Variants in TGFB2 observed in about 807,000 individuals in gnomAD.
The protein encoded by TGFB2 is transforming growth factor beta-2 proprotein.
A neutral mutation model predicts 42.7 loss-of-function variants in TGFB2; 13 were observed. The ratio of observed to expected loss-of-function variants is 0.30; its 90% CI spans 0.20 to 0.48. TGFB2 has a LOEUF of 0.48. Among genes scored for constraint, TGFB2 ranks in the 20% least tolerant of loss-of-function variants. TGFB2 has a pLI of 0.99. For missense variants in TGFB2, 390 were observed against 517.5 expected, an observed-to-expected ratio of 0.75 and a Z score of 2.39; for synonymous variants, 193 against 193.6, an observed-to-expected ratio of 1.00 and a Z score of 0.03.
rs560523958 is a variant in TGFB2, at chr1:218,440,504, T to G, written c.1087-700T>G. Among the ~76,000 whole-genome samples the G allele has an allele frequency of 4.6e-5, 7 of 152,324 alleles. No individual in the cohort carries two copies. The East Asian group carries it at 1.3e-3, about 29-fold the overall frequency. Reference sequence around the variant, plus strand: ...GTCCTGAACTCCTACACTCAAGTGATCCTTCAAAGTGTTGGGATTACAGGC... The same window carrying G: ...GTCCTGAACTCCTACACTCAAGTGAGCCTTCAAAGTGTTGGGATTACAGGC... On this transcript the variant is annotated intron_variant, in intron 6 of 6. Transcript: ENST00000366930.
At chr1:218,423,837 G>A (rs927335181) in intron 2 of TGFB2, among the ~76,000 whole-genome samples, 9 of 152,162 alleles carry the variant, frequency 5.9e-5, no homozygotes, top group Non-Finnish European at 7.3e-5. Flanking sequence ...TCCCTACTCC[G>A]TGACACTTAA....
chr1:218,364,877 C>CGTTTT (rs1359569967), intron 1 of TGFB2, among the ~76,000 whole-genome samples: 1 of 152,098 alleles, frequency 6.6e-6, no homozygotes, highest in Non-Finnish European at 1.5e-5. Context: ...TGAGTCATTA[C>CGTTTT]GTTTTGTTTT....
chr1:218,415,982 G>A (rs1268989879), intron 2 of TGFB2, among the ~76,000 whole-genome samples: 1 of 152,106 alleles, frequency 6.6e-6, no homozygotes, highest in Non-Finnish European at 1.5e-5. Context: ...CCACTCAACA[G>A]TGGTGTCAGT....
chr1:218,434,061 C>T (rs1571901006), intron 2 of TGFB2, 21 bp from the exon 3 acceptor site: 2 of 1,612,226 alleles, frequency 1.2e-6, no homozygotes, highest in East Asian at 4.5e-5. Context: ...AGCCTTTTCT[C>T]TTGCTCTTTT....
At chr1:218,422,979 A>G (rs965848939) in intron 2 of TGFB2, among the ~76,000 whole-genome samples, 2 of 152,204 alleles carry the variant, frequency 1.3e-5, no homozygotes, top group Admixed American at 1.3e-4. Context: ...ATATTTGAAT[A>G]TTATTAGTTA....
chr1:218,426,709 A>G (rs188845476), intron 2 of TGFB2, among the ~76,000 whole-genome samples: 2 of 152,346 alleles, frequency 1.3e-5, no homozygotes, highest in African/African-American at 4.8e-5. Flanking sequence ...TTAAAGATTA[A>G]AAAATCAGTT....
At chr1:218,367,828 C>T (rs1042634563) in intron 1 of TGFB2, among the ~76,000 whole-genome samples, 7 of 151,968 alleles carry the variant, frequency 4.6e-5, no homozygotes, top group Admixed American at 2.6e-4. Context: ...GATGGAGTCT[C>T]GCTCCTCGCT....
chr1:218,441,390 A>T lies in TGFB2; in HGVS notation c.*28A>T, dbSNP rs1241980032. 2 of 1,585,432 alleles carry T rather than the reference A, an allele frequency of 1.3e-6. No individual in the cohort carries two copies. The highest frequency in any genetic ancestry group is 3.7e-5 in the Admixed American group (2 of 53,476). On this transcript the variant is annotated 3_prime_UTR_variant, in exon 7 of 7. Transcript: ENST00000366930. Reference sequence around the variant, plus strand: ...TTCTTGGAAAAGTGGCAAGACCAAAATGACAATGATGATGATAATGATGAT... The same window carrying T: ...TTCTTGGAAAAGTGGCAAGACCAAATTGACAATGATGATGATAATGATGAT...
At chr1:218,415,182 G>T (rs1341693966) in intron 2 of TGFB2, among the ~76,000 whole-genome samples, 1 of 152,158 alleles carries the variant, frequency 6.6e-6, no homozygotes, top group Non-Finnish European at 1.5e-5. Context: ...ATCCTCAGCG[G>T]TTACTATTAT....
chr1:218,400,251 G>C (rs1658670346), intron 1 of TGFB2, among the ~76,000 whole-genome samples: 2 of 151,954 alleles, frequency 1.3e-5, no homozygotes, highest in Admixed American at 6.6e-5. Flanking sequence ...TATTGAAGAT[G>C]CTAAAATATA....
chr1:218,443,898 T>G lies in TGFB2; in HGVS notation c.*2536T>G, dbSNP rs1354152019. On this transcript the variant is annotated 3_prime_UTR_variant, in exon 7 of 7. Coordinates refer to ENST00000366930, the MANE Select transcript of TGFB2 (RefSeq NM_003238.6). ...ATGGTTAAAAAATGGAATATAAGAT[T>G]AGCTGTTTTGTATTTTGATGACCAA... 4.6e-5 allele frequency: 7 copies of G among 152,132 alleles called. No homozygotes were observed. The highest frequency in any genetic ancestry group is 7.2e-5 in the African/African-American group (3 of 41,418). 9.4% of individuals were successfully genotyped at this position (152,132 alleles called of 1,614,324 possible).
rs185909344 is a variant in TGFB2, at chr1:218,411,845, A to T, written c.510+6513A>T. On this transcript the variant is annotated intron_variant, in intron 2 of 6. Coordinates refer to ENST00000366930, the MANE Select transcript of TGFB2 (RefSeq NM_003238.6). ...GCACCACTGCACTCCAGCCTGGGCG[A>T]CAGAGCCAAATTCAGTCTCAAAAAA... 3.1e-3 allele frequency among the ~76,000 whole-genome samples: 471 copies of T among 149,882 alleles called. 5 individuals carry two copies. Among genetic ancestry groups the T allele is most frequent in the African/African-American group, 0.011 (456 of 40,038 alleles).
At chr1:218,405,601 T>G in intron 2 of TGFB2, 1 of 461,450 alleles carries the variant, frequency 2.2e-6, no homozygotes, top group East Asian at 4.5e-5. Context: ...ACTCCTGGCC[T>G]TAAGCAATCT....
intron 2 of TGFB2, among the ~76,000 whole-genome samples, chr1:218,421,517 T>A (rs1358960197): frequency 6.6e-6 from 1 of 152,154 alleles, no homozygotes; most frequent in Non-Finnish European, 1.5e-5. Context: ...AAAAATACTC[T>A]GTGGGGGTAA....
rs1234323501 is a variant in TGFB2, at chr1:218,345,829, T to A, written c.-873T>A. 6.6e-6 allele frequency among the ~76,000 whole-genome samples: 1 copy of A among 151,960 alleles called. No homozygotes were observed. The highest frequency in any genetic ancestry group is 1.9e-4 in the East Asian group (1 of 5,138). On this transcript the variant is annotated 5_prime_UTR_variant, in exon 1 of 7. Transcript: ENST00000366930. ...AGGAGGAGCAGGAGAAGGAGGGAGC[T>A]GGAGGCTGGAAGCGTTTGCAAGCGG...
chr1:218,351,850 A>C (rs1209840110), intron 1 of TGFB2, among the ~76,000 whole-genome samples: 1 of 152,230 alleles, frequency 6.6e-6, no homozygotes, highest in African/African-American at 2.4e-5. Flanking sequence ...ATATGAAAGA[A>C]TGACAGATCG....
chr1:218,443,190 C>T lies in TGFB2; in HGVS notation c.*1828C>T, dbSNP rs1384202046. On this transcript the variant is annotated 3_prime_UTR_variant, in exon 7 of 7. Transcript: ENST00000366930. ...GAGTGAGAGTTATCTATATCTGAGG[C>T]TAAAGTTTACCTTGCTTTAATAAAT... The T allele has an allele frequency of 6.6e-6, 1 of 152,198 alleles. No individual in the cohort carries two copies. Among genetic ancestry groups the T allele is most frequent in the Non-Finnish European group, 1.5e-5 (1 of 68,034 alleles). The allele number at this position is 152,198 out of a possible 1,614,324, so 9.4% of individuals were successfully genotyped here. A position where few individuals can be genotyped will look rare whatever the true frequency, so the allele number is the denominator to read the frequency against.
intron 4 of TGFB2, among the ~76,000 whole-genome samples, chr1:218,435,353 C>T (rs1053809383): frequency 6.6e-6 from 1 of 152,150 alleles, no homozygotes; most frequent in South Asian, 2.1e-4. Context: ...CTTGAGCATG[C>T]TTTGGGGAGC....
intron 2 of TGFB2, among the ~76,000 whole-genome samples, chr1:218,417,607 C>A (rs902002509): frequency 6.6e-6 from 1 of 152,196 alleles, no homozygotes; most frequent in Non-Finnish European, 1.5e-5. Flanking sequence ...AAATGTTAAT[C>A]CCCAAGACAA....
Sources: gnomAD v4.1 joint callset for allele counts (sites outside exome capture counted in the v4.1 genomes callset) on GRCh38, gnomAD v4.1.1 for gene constraint, MANE v1.5 for transcripts, NCBI Gene and HGNC (gene_info 2026-07-23, HGNC 2026-07-21) for gene names.